Variants in GTF2A1 observed in about 807,000 individuals in gnomAD.
GTF2A1 encodes transcription initiation factor IIA subunit 1.
In GTF2A1, 12 loss-of-function variants were observed where a neutral mutation model predicts 54.1. The ratio of observed to expected loss-of-function variants is 0.22; its 90% CI spans 0.14 to 0.36. The LOEUF is 0.36. Among genes scored for constraint, GTF2A1 ranks in the 10% least tolerant of loss-of-function variants. GTF2A1 has a pLI of 1.00. For synonymous variants in GTF2A1, 145 were observed against 152.0 expected (o/e 0.95, Z 0.34); for missense variants, 335 against 442.2 (o/e 0.76, Z 2.17).
intron 2 of GTF2A1, among the ~76,000 whole-genome samples, chr14:81,215,887 T>G (rs1379592574): frequency 6.6e-6 from 1 of 152,096 alleles, no homozygotes; most frequent in East Asian, 1.9e-4. Context: ...ATACAAAAAT[T>G]AGCCAGGCAT....
At chr14:81,207,146 CCT>C (rs2140034287) in intron 2 of GTF2A1, among the ~76,000 whole-genome samples, 1 of 39,882 alleles carries the variant, frequency 2.5e-5, no homozygotes, top group African/African-American at 6.2e-5. Flanking sequence ...TACGTACCTA[CCT>C]ACCTACCTAC....
chr14:81,218,896 C>A (rs2140046405), intron 1 of GTF2A1, among the ~76,000 whole-genome samples: 1 of 151,276 alleles, frequency 6.6e-6, no homozygotes, highest in Non-Finnish European at 1.5e-5. Flanking sequence ...TTATCTATTT[C>A]TCTGAAAAGC....
intron 7 of GTF2A1, among the ~76,000 whole-genome samples, chr14:81,187,812 A>C (rs936581155): frequency 1.3e-5 from 2 of 152,158 alleles, no homozygotes; most frequent in African/African-American, 2.4e-5. Context: ...TTGTTGAAAA[A>C]CATGTTTTCA....
At chr14:81,183,141 AG>A (rs1892673518) in intron 8 of GTF2A1, among the ~76,000 whole-genome samples, 1 of 152,184 alleles carries the variant, frequency 6.6e-6, no homozygotes, top group Admixed American at 6.6e-5. Flanking sequence ...TCCCAATGGC[AG>A]GGACTGTTCT....
At chr14:81,216,301 A>G (rs1893487466) in intron 2 of GTF2A1, 112 bp downstream of exon 2, 1 of 600,868 alleles carries the variant, frequency 1.7e-6, no homozygotes, top group Admixed American at 3.2e-5. Flanking sequence ...AAACCAGCAC[A>G]CTTCACTCAA....
In GTF2A1 at chr14:81,178,283, T is replaced by C. The variant is rs1041960809; in HGVS notation, c.*1940A>G. The C allele has an allele frequency of 2.0e-5, 3 of 152,024 alleles. No individual in the cohort carries two copies. The highest frequency in any genetic ancestry group is 4.4e-5 in the Non-Finnish European group (3 of 67,990). The allele number at this position is 152,024 out of a possible 1,614,324, so 9.4% of individuals were successfully genotyped here. ...TCAGGTCACTGACTTCCTTACTGAG[T>C]AAATACAAACCTACTAGCAACTATA... is the stretch of plus-strand genomic sequence containing the variant. On this transcript the variant is annotated 3_prime_UTR_variant, in exon 9 of 9. Transcript: ENST00000553612.
At chr14:81,187,783 AACAGTC>A (rs1460745821) in intron 7 of GTF2A1, among the ~76,000 whole-genome samples, 1 of 152,238 alleles carries the variant, frequency 6.6e-6, no homozygotes, top group Non-Finnish European at 1.5e-5. Flanking sequence ...GGCTGCTATG[AACAGTC>A]ACATACAAGT....
chr14:81,184,514 T>C (rs944229785), intron 8 of GTF2A1, among the ~76,000 whole-genome samples: 3 of 152,212 alleles, frequency 2.0e-5, no homozygotes, highest in African/African-American at 7.2e-5. Flanking sequence ...ATAACTTCAC[T>C]GGTAAAACTA....
chr14:81,197,226 T>C, intron 5 of GTF2A1, 183 bp downstream of exon 5: 1 of 510,890 alleles, frequency 2.0e-6, no homozygotes, highest in South Asian at 3.0e-5. Context: ...TTCTTTACTG[T>C]ATCCTCAACA....
At chr14:81,208,414 G>T (rs1893289717) in intron 2 of GTF2A1, among the ~76,000 whole-genome samples, 1 of 152,196 alleles carries the variant, frequency 6.6e-6, no homozygotes, top group Non-Finnish European at 1.5e-5. Flanking sequence ...GAAACGCCTG[G>T]ATGCCCAAGC....
rs1221235363 is a variant in GTF2A1, at chr14:81,205,164, T to C, written c.133-1060A>G. Among the ~76,000 whole-genome samples, 4 of 152,168 alleles carry C rather than the reference T, an allele frequency of 2.6e-5. 1 individual carries two copies. Among genetic ancestry groups the C allele is most frequent in the African/African-American group, 7.2e-5 (3 of 41,444 alleles). Reference sequence around the variant, plus strand: ...GAAATAGTGACAAGATCTCACTATGTTGCCCAGGCTGGTCTCGAACTCCTG... The same window carrying C: ...GAAATAGTGACAAGATCTCACTATGCTGCCCAGGCTGGTCTCGAACTCCTG... On this transcript the variant is annotated intron_variant, in intron 2 of 8. Transcript: ENST00000553612.
chr14:81,211,875 T>TATATATATATATATATATATA lies in GTF2A1; in HGVS notation c.132+4537_132+4538insTATATATATATATATATATAT, dbSNP rs1419902730. ...ACATAATTAGAGTGTATCAAGTACT[T>TATATATATATATATATATATA]TATATATATATATATATATATATAT... is the stretch of plus-strand genomic sequence containing the variant. On this transcript the variant is annotated intron_variant, in intron 2 of 8. Transcript: ENST00000553612. Among the ~76,000 whole-genome samples the TATATATATATATATATATATA allele has an allele frequency of 4.0e-3, 272 of 68,422 alleles. 23 individuals are homozygous for TATATATATATATATATATATA. Among genetic ancestry groups the TATATATATATATATATATATA allele is most frequent in the Middle Eastern group, 9.3e-3 (1 of 108 alleles). 44.9% of individuals were successfully genotyped at this position (68,422 alleles called of 152,430 possible).
At chr14:81,180,947 T>C (rs975686348) in intron 8 of GTF2A1, among the ~76,000 whole-genome samples, 4 of 152,246 alleles carry the variant, frequency 2.6e-5, no homozygotes, top group Non-Finnish European at 4.4e-5. Flanking sequence ...AATACAATTA[T>C]GGACTCATTT....
At chr14:81,205,436 C>T (rs181003799) in intron 2 of GTF2A1, among the ~76,000 whole-genome samples, 124 of 152,264 alleles carry the variant, frequency 8.1e-4, no homozygotes, top group Admixed American at 2.4e-3. Flanking sequence ...TTTAGACTTA[C>T]CTGAAGTCTA....
At chr14:81,181,535 A>C (rs1892638627) in intron 8 of GTF2A1, among the ~76,000 whole-genome samples, 1 of 152,060 alleles carries the variant, frequency 6.6e-6, no homozygotes, top group Non-Finnish European at 1.5e-5. Context: ...CAACAGGTAT[A>C]GATATTTTCT....
At position 81,200,923 on chromosome 14, in the gene GTF2A1, T is replaced by C. The variant is rs180808956; in HGVS notation, c.402+671A>G. 4.4e-3 allele frequency among the ~76,000 whole-genome samples: 664 copies of C among 149,724 alleles called. 7 individuals carry two copies. Among genetic ancestry groups the C allele is most frequent in the African/African-American group, 0.013 (550 of 40,934 alleles). ...AAAACAAAAAACAACTTCAAGGATA[T>C]AGGTAAAGATTTTCTAAGGATCTGA... On this transcript the variant is annotated intron_variant, in intron 4 of 8. Transcript: ENST00000553612.
intron 8 of GTF2A1, among the ~76,000 whole-genome samples, chr14:81,183,832 CATT>C (rs1019575764): frequency 2.0e-5 from 3 of 152,158 alleles, no homozygotes; most frequent in African/African-American, 7.2e-5. Context: ...AAAATTGACT[CATT>C]GTTGACATTC....
chr14:81,185,519 T>C lies in GTF2A1; in HGVS notation c.1023+12A>G. The C allele has an allele frequency of 2.2e-6, 3 of 1,367,318 alleles. No homozygotes were observed. The highest frequency in any genetic ancestry group is 3.1e-6 in the Non-Finnish European group (3 of 956,098). The allele number at this position is 1,367,318 out of a possible 1,614,324, so 84.7% of individuals were successfully genotyped here. ...ACAAATAACGTCAGTAATCTGAAGA[T>C]GACATCCTTACCTTATCATATTGGC... On this transcript the variant is annotated intron_variant, in intron 8 of 8. Transcript: ENST00000553612.
At chr14:81,191,498 T>C (rs1892875817) in intron 7 of GTF2A1, among the ~76,000 whole-genome samples, 1 of 152,098 alleles carries the variant, frequency 6.6e-6, no homozygotes, top group African/African-American at 2.4e-5. Context: ...ATGCAACAAC[T>C]TGGATAAACC....
Sources: allele counts gnomAD v4.1 joint callset (sites outside exome capture counted in the v4.1 genomes callset), GRCh38; gene constraint gnomAD v4.1.1; transcripts MANE v1.5; gene names NCBI Gene and HGNC (gene_info 2026-07-23, HGNC 2026-07-21).